TENT4B: variants seen among roughly 807,000 people sequenced by gnomAD.
The protein encoded by TENT4B is terminal nucleotidyltransferase 4B.
TENT4B carries 10 observed loss-of-function variants against 75.0 expected under a neutral mutation model. The ratio of observed to expected loss-of-function variants is 0.13; its 90% confidence interval spans 0.08 to 0.23. TENT4B has a LOEUF of 0.23. TENT4B is among the 10% of genes least tolerant of loss of function. The probability of loss-of-function intolerance (pLI) is 1.00; values close to 1 mark genes in which losing one functional copy is unlikely to be tolerated. For missense variants in TENT4B, 579 were observed against 893.8 expected (o/e 0.65, Z 4.49); for synonymous variants, 350 against 357.7 (o/e 0.98, Z 0.24).
intron 2 of TENT4B, among the ~76,000 whole-genome samples, chr16:50,213,832 A>G (rs914835880): frequency 6.6e-6 from 1 of 152,344 alleles, no homozygotes; most frequent in Non-Finnish European, 1.5e-5. Flanking sequence ...TATAGGTATT[A>G]TAAGTAATCT....
chr16:50,153,195 GC>G (rs1448587464), upstream of TENT4B, among the ~76,000 whole-genome samples: 39 of 115,240 alleles, frequency 3.4e-4, no homozygotes, highest in Admixed American at 6.5e-4. Context: ...GGGGGGGGGG[GC>G]GGAGCGAGAG....
intron 1 of TENT4B, among the ~76,000 whole-genome samples, chr16:50,190,265 A>AT (rs970113306): frequency 7.9e-5 from 12 of 151,842 alleles, no homozygotes; most frequent in South Asian, 2.1e-4. Context: ...GAGCTGTTGG[A>AT]TTTTTTTTAA....
chr16:50,171,810 CA>C (rs1379693801), intron 1 of TENT4B, among the ~76,000 whole-genome samples: 1 of 151,612 alleles, frequency 6.6e-6, no homozygotes, highest in African/African-American at 2.4e-5. Flanking sequence ...ACTAAAAATA[CA>C]AAAAATAGCT....
intron 1 of TENT4B, among the ~76,000 whole-genome samples, chr16:50,171,047 T>G (rs1023414512): frequency 3.3e-5 from 5 of 151,524 alleles, no homozygotes; most frequent in African/African-American, 1.2e-4. Flanking sequence ...TCCTCCTACC[T>G]TAGCCTCCCA....
intron 1 of TENT4B, among the ~76,000 whole-genome samples, chr16:50,168,414 C>G (rs1239979824): frequency 6.6e-6 from 1 of 151,766 alleles, no homozygotes; most frequent in African/African-American, 2.4e-5. Flanking sequence ...GATTCTTCTG[C>G]CTCAGCTTCC....
intron 1 of TENT4B, among the ~76,000 whole-genome samples, chr16:50,173,053 C>T (rs540910966): frequency 6.6e-6 from 1 of 152,268 alleles, no homozygotes; most frequent in African/African-American, 2.4e-5. Context: ...AGCAATTCTC[C>T]TGTCTCAGCC....
intron 4 of TENT4B, among the ~76,000 whole-genome samples, chr16:50,216,760 TC>T (rs2031577666): frequency 6.6e-6 from 1 of 152,122 alleles, no homozygotes; most frequent in African/African-American, 2.4e-5. Context: ...ACTCAAGTGA[TC>T]CTCCCACCTC....
intron 1 of TENT4B, among the ~76,000 whole-genome samples, chr16:50,156,288 A>G (rs1486065285): frequency 6.6e-6 from 1 of 151,968 alleles, no homozygotes; most frequent in African/African-American, 2.4e-5. Flanking sequence ...AACAATTCCC[A>G]AGAGTGTTAA....
At chr16:50,199,509 TTG>T (rs1555510578) in intron 1 of TENT4B, among the ~76,000 whole-genome samples, 1 of 152,220 alleles carries the variant, frequency 6.6e-6, no homozygotes, top group Non-Finnish European at 1.5e-5. Flanking sequence ...TCTAAAAATT[TTG>T]TGTTTCACCT....
chr16:50,172,525 A>G (rs1397819351), intron 1 of TENT4B, among the ~76,000 whole-genome samples: 1 of 81,498 alleles, frequency 1.2e-5, no homozygotes, highest in African/African-American at 3.9e-5. Context: ...TTTTTTTTTT[A>G]GCAGTTTTAG....
At chr16:50,155,887 T>C (rs759945568) in intron 1 of TENT4B, among the ~76,000 whole-genome samples, 1 of 152,208 alleles carries the variant, frequency 6.6e-6, no homozygotes, top group Non-Finnish European at 1.5e-5. Flanking sequence ...AGTTCCTTAA[T>C]TGCATTTTAC....
At chr16:50,156,590 C>T (rs1284256709) in intron 1 of TENT4B, among the ~76,000 whole-genome samples, 3 of 152,142 alleles carry the variant, frequency 2.0e-5, no homozygotes, top group East Asian at 1.9e-4. Context: ...GTGATCTGCC[C>T]GTCTTGGCCT....
intron 10 of TENT4B, among the ~76,000 whole-genome samples, chr16:50,225,748 T>A (rs915677767): frequency 6.6e-6 from 1 of 151,788 alleles, no homozygotes; most frequent in African/African-American, 2.4e-5. Context: ...AGTGGTATGA[T>A]CTCGGCTCAC....
intron 1 of TENT4B, among the ~76,000 whole-genome samples, chr16:50,174,195 T>G (rs900381226): frequency 1.3e-5 from 2 of 152,200 alleles, no homozygotes; most frequent in African/African-American, 2.4e-5. Context: ...CTTCCTGGGT[T>G]CAAGTGATTC....
chr16:50,216,226 C>T (rs753113577), intron 4 of TENT4B, 31 bp downstream of exon 4: 7 of 1,612,130 alleles, frequency 4.3e-6, no homozygotes, highest in Non-Finnish European at 5.9e-6. Context: ...TATTAAAATC[C>T]TTAGTTATTT....
At chr16:50,179,721 G>T (rs892553226) in intron 1 of TENT4B, among the ~76,000 whole-genome samples, 1 of 152,196 alleles carries the variant, frequency 6.6e-6, no homozygotes, top group African/African-American at 2.4e-5. Flanking sequence ...GAGCCTCAGA[G>T]AAGTTAAGTG....
intron 1 of TENT4B, among the ~76,000 whole-genome samples, chr16:50,173,229 C>T (rs1265544371): frequency 6.6e-6 from 1 of 152,332 alleles, no homozygotes; most frequent in African/African-American, 2.4e-5. Flanking sequence ...CAGGCGTGAG[C>T]CACCCTGCCC....
chr16:50,215,780 A>G (rs1322064932), intron 3 of TENT4B, among the ~76,000 whole-genome samples: 2 of 152,196 alleles, frequency 1.3e-5, no homozygotes, highest in South Asian at 4.1e-4. Flanking sequence ...AGCGTTTATT[A>G]AAGAAAATAC....
intron 5 of TENT4B, among the ~76,000 whole-genome samples, chr16:50,221,198 A>G (rs1282470073): frequency 3.3e-5 from 5 of 152,144 alleles, no homozygotes; most frequent in South Asian, 2.1e-4. Flanking sequence ...GGAGATTGCA[A>G]TGAGCCAAGA....
Sources: allele counts gnomAD v4.1 joint callset (sites outside exome capture counted in the v4.1 genomes callset), GRCh38; gene constraint gnomAD v4.1.1; transcripts MANE v1.5; gene names NCBI Gene and HGNC (gene_info 2026-07-23, HGNC 2026-07-21).